Variants in GAS7 observed in about 807,000 individuals in gnomAD.
GAS7 encodes the protein growth arrest specific 7.
In GAS7, 28 loss-of-function variants were observed where a neutral mutation model predicts 71.1. The ratio of observed to expected loss-of-function variants is 0.39; its 90% CI spans 0.29 to 0.54. The LOEUF is 0.54. Among genes scored for constraint, GAS7 ranks in the 20% least tolerant of loss-of-function variants. The probability of loss-of-function intolerance (pLI) is 0.62; values close to 1 mark genes in which losing one functional copy is unlikely to be tolerated. For synonymous variants in GAS7, 258 were observed against 245.8 expected, an observed-to-expected ratio of 1.05 and a Z score of -0.46; for missense variants, 436 against 627.8, an observed-to-expected ratio of 0.69 and a Z score of 3.27.
chr17:10,001,916 G>A (rs903414321), intron 2 of GAS7, among the ~76,000 whole-genome samples: 5 of 152,062 alleles, frequency 3.3e-5, no homozygotes, highest in Non-Finnish European at 7.4e-5. Flanking sequence ...GGCCTGGCAA[G>A]GCAATGGGAA....
chr17:10,196,021 A>T (rs1350837937), intron 1 of GAS7, among the ~76,000 whole-genome samples: 1 of 152,102 alleles, frequency 6.6e-6, no homozygotes, highest in African/African-American at 2.4e-5. Context: ...AGCAGGGAAG[A>T]TCCTCCAAGT....
chr17:10,107,538 A>AGGG (rs2073769661), intron 1 of GAS7, among the ~76,000 whole-genome samples: 1 of 149,712 alleles, frequency 6.7e-6, no homozygotes, highest in South Asian at 2.1e-4. Flanking sequence ...CACATAGTCC[A>AGGG]GTGGCAGGCT....
intron 4 of GAS7, among the ~76,000 whole-genome samples, chr17:9,960,335 G>A (rs1213573977): frequency 1.3e-5 from 2 of 152,036 alleles, no homozygotes; most frequent in Non-Finnish European, 2.9e-5. Flanking sequence ...GATTACAGGT[G>A]CCCGCCAGCA....
In GAS7 at chr17:9,914,417, G is replaced by A. The variant is rs187930186; in HGVS notation, c.*2811C>T. The A allele has an allele frequency of 1.6e-3, 293 of 179,854 alleles. 1 individual carries two copies. Among genetic ancestry groups the A allele is most frequent in the African/African-American group, 6.3e-3 (269 of 42,442 alleles). The allele number at this position is 179,854 out of a possible 1,614,324, so 11.1% of individuals were successfully genotyped here. On this transcript the variant is annotated 3_prime_UTR_variant, in exon 14 of 14. Transcript: ENST00000432992. Reference sequence around the variant, plus strand: ...AATTTTTTGTATTTTTAGCAGAGACGGGGTTTCACCATGTTAGCCAGGATG... The same window carrying A: ...AATTTTTTGTATTTTTAGCAGAGACAGGGTTTCACCATGTTAGCCAGGATG...
chr17:10,009,336 A>AAAAAAAAAAAAAT, intron 2 of GAS7, among the ~76,000 whole-genome samples: 1 of 150,724 alleles, frequency 6.6e-6, no homozygotes, highest in Non-Finnish European at 1.5e-5. Context: ...AAAAAAAAAA[A>AAAAAAAAAAAAAT]GTGTTCTACT....
In GAS7 at chr17:9,917,313, C is replaced by A. The variant is rs562657250; in HGVS notation, c.1346G>T (p.Arg449Leu). The A allele has an allele frequency of 6.2e-7, 1 of 1,613,984 alleles. No homozygotes were observed. The highest frequency in any genetic ancestry group is 1.7e-5 in the Admixed American group (1 of 60,030). ...CCTGTCTTTGGCCGGGTCCACTTTT[C>A]GAAGCAGCTGATCCACGGGCTCGAC... ...STVEPVDQLL[R>L]KVDPAKDREL... The change falls in exon 14 of 14, where the codon CGA becomes CTA. Residue 449 changes from arginine to leucine, a missense_variant. Physicochemically the swap from Arg to Leu is moderately radical, Grantham distance 102. Coordinates refer to ENST00000432992, the MANE Select transcript of GAS7 (RefSeq NM_201433.2).
At chr17:10,090,123 C>T (rs1195509239) in intron 1 of GAS7, among the ~76,000 whole-genome samples, 1 of 151,528 alleles carries the variant, frequency 6.6e-6, no homozygotes, top group Non-Finnish European at 1.5e-5. Context: ...GAGCCGAGAT[C>T]GTGCCACTGC....
At chr17:10,038,985 G>C (rs1472324016) in intron 1 of GAS7, among the ~76,000 whole-genome samples, 1 of 152,168 alleles carries the variant, frequency 6.6e-6, no homozygotes, top group Admixed American at 6.5e-5. Flanking sequence ...GAGGCACCTA[G>C]AGAAGTCAAA....
chr17:10,132,069 T>C (rs1179512728), intron 1 of GAS7, among the ~76,000 whole-genome samples: 1 of 152,174 alleles, frequency 6.6e-6, no homozygotes, highest in African/African-American at 2.4e-5. Context: ...AAACATGTAC[T>C]CAATACATGT....
At chr17:9,939,962 A>G (rs147265980) in intron 8 of GAS7, among the ~76,000 whole-genome samples, 164 bp downstream of exon 8, 31 of 152,248 alleles carry the variant, frequency 2.0e-4, no homozygotes, top group African/African-American at 5.3e-4. Context: ...TGCCCACCCA[A>G]GTCATGAGCA....
intron 9 of GAS7, among the ~76,000 whole-genome samples, chr17:9,932,828 A>G (rs1353197461): frequency 6.6e-6 from 1 of 152,148 alleles, no homozygotes; most frequent in Non-Finnish European, 1.5e-5. Context: ...TAGGACAGAA[A>G]CACCCTGCCC....
chr17:10,078,677 A>T (rs535090530), intron 1 of GAS7, among the ~76,000 whole-genome samples: 21 of 152,204 alleles, frequency 1.4e-4, no homozygotes, highest in Non-Finnish European at 2.5e-4. Flanking sequence ...AGCCAGGTCT[A>T]ATCTTCTGCA....
intron 1 of GAS7, among the ~76,000 whole-genome samples, chr17:10,194,393 AC>A (rs1467320785): frequency 6.6e-6 from 1 of 151,884 alleles, no homozygotes; most frequent in East Asian, 1.9e-4. Flanking sequence ...ACCCTATTAA[AC>A]CCTCCAACCA....
intron 1 of GAS7, among the ~76,000 whole-genome samples, chr17:10,055,145 G>C (rs2073118865): frequency 6.6e-6 from 1 of 152,202 alleles, no homozygotes; most frequent in Non-Finnish European, 1.5e-5. Context: ...GGGTAGGATA[G>C]TGCACATCCT....
At chr17:10,044,005 A>C (rs2072910835) in intron 1 of GAS7, among the ~76,000 whole-genome samples, 1 of 152,228 alleles carries the variant, frequency 6.6e-6, no homozygotes, top group Non-Finnish European at 1.5e-5. Context: ...TGATGCCATA[A>C]GTTTACATCA....
intron 1 of GAS7, among the ~76,000 whole-genome samples, chr17:10,130,123 C>G (rs1233413062): frequency 6.6e-6 from 1 of 150,642 alleles, no homozygotes; most frequent in African/African-American, 2.4e-5. Flanking sequence ...GAGCCAAGAT[C>G]GTGCTGCTGC....
At position 9,911,703 on chromosome 17, in the gene GAS7, A is replaced by G. The variant is rs1194439266; in HGVS notation, c.*5525T>C. ...TCCCCGGCAAATTTCAACCCAGCAG[A>G]GTCCTGGCAGCCTCTTCGGCTCCCT... On this transcript the variant is annotated 3_prime_UTR_variant, in exon 14 of 14. Coordinates refer to ENST00000432992, the MANE Select transcript of GAS7 (RefSeq NM_201433.2). This position sits in a 1 kb window ranked among gnomAD's most constrained non-coding sequence, Gnocchi z 4.0. 1 of 232,598 alleles carries G rather than the reference A, an allele frequency of 4.3e-6. No homozygotes were observed. The highest frequency in any genetic ancestry group is 8.5e-6 in the Non-Finnish European group (1 of 117,720). The allele number at this position is 232,598 out of a possible 1,614,324, so 14.4% of individuals were successfully genotyped here. A position where few individuals can be genotyped will look rare whatever the true frequency, so the allele number is the denominator to read the frequency against.
chr17:9,944,405 T>TC (rs1182209407), intron 6 of GAS7, among the ~76,000 whole-genome samples: 1 of 152,220 alleles, frequency 6.6e-6, no homozygotes, highest in African/African-American at 2.4e-5. Flanking sequence ...GGACCCAGGT[T>TC]CTTGTCTCTG....
chr17:10,051,926 T>A (rs1324674872), intron 1 of GAS7, among the ~76,000 whole-genome samples: 1 of 152,158 alleles, frequency 6.6e-6, no homozygotes, highest in East Asian at 1.9e-4. Context: ...GATCTTATCT[T>A]TTTGTTGTTT....
Sources: gnomAD v4.1 joint callset for allele counts (sites outside exome capture counted in the v4.1 genomes callset) on GRCh38, gnomAD v4.1.1 for gene constraint, Gnocchi (gnomAD v3.1) non-coding constraint, MANE v1.5 for transcripts, NCBI Gene and HGNC (gene_info 2026-07-23, HGNC 2026-07-21) for gene names.